Variants in ABCB8 observed in about 807,000 individuals in gnomAD.
The protein encoded by ABCB8 is ATP binding cassette subfamily B member 8.
A neutral mutation model predicts 73.0 loss-of-function variants in ABCB8; 52 were observed. The ratio of observed to expected loss-of-function variants is 0.71; its 90% CI spans 0.57 to 0.90. ABCB8 has a LOEUF of 0.90. Among genes scored for constraint, ABCB8 ranks in the 40% least tolerant of loss-of-function variants. The probability of loss-of-function intolerance (pLI) is 0.00; values close to 1 mark genes in which losing one functional copy is unlikely to be tolerated. For missense variants in ABCB8, 909 were observed against 974.6 expected, an observed-to-expected ratio of 0.93 and a Z score of 0.90; for synonymous variants, 428 against 423.5, an observed-to-expected ratio of 1.01 and a Z score of -0.13.
intron 13 of ABCB8, 92 bp from the exon 14 acceptor site, chr7:151,041,869 T>G (rs1428955295): frequency 1.7e-5 from 24 of 1,438,464 alleles, no homozygotes; most frequent in Non-Finnish European, 2.3e-5. Flanking sequence ...ATCCACCAGA[T>G]AGACTGTCCC....
chr7:151,034,885 C>T (rs1340452067), intron 5 of ABCB8, 56 bp downstream of exon 5: 1 of 1,509,800 alleles, frequency 6.6e-7, no homozygotes, highest in East Asian at 2.3e-5. Context: ...CATGTGGATT[C>T]ACCAGGCCAG....
In ABCB8 at chr7:151,028,866, C is replaced by T. The variant is rs765047994; in HGVS notation, c.95+256C>T. 6.5e-6 allele frequency: 10 copies of T among 1,532,448 alleles called. No homozygotes were observed. The East Asian group carries it at 7.5e-5, about 11-fold the overall frequency. 94.9% of individuals were successfully genotyped at this position (1,532,448 alleles called of 1,614,324 possible). Reference sequence around the variant, plus strand: ...GGGACGCTCGGGGTCAGTGACCACGCCCAGTCCGCACTCCCGACCGGGGGT... The same window carrying T: ...GGGACGCTCGGGGTCAGTGACCACGTCCAGTCCGCACTCCCGACCGGGGGT... On this transcript the variant is annotated intron_variant, in intron 1 of 15. Coordinates refer to ENST00000358849, the MANE Select transcript of ABCB8 (RefSeq NM_007188.5).
In ABCB8 at chr7:151,047,555, C is replaced by T. The variant is rs1796646910; in HGVS notation, c.*2206C>T. Reference sequence around the variant, plus strand: ...GTCCCTGCCCCCATGAAGCTTGTGTCCTGTTGGGAGGACAGACAGGTGGCC... The same window carrying T: ...GTCCCTGCCCCCATGAAGCTTGTGTTCTGTTGGGAGGACAGACAGGTGGCC... On this transcript the variant is annotated 3_prime_UTR_variant, in exon 16 of 16. Transcript: ENST00000358849. 6.6e-6 allele frequency: 1 copy of T among 152,228 alleles called. No individual in the cohort carries two copies. The highest frequency in any genetic ancestry group is 1.5e-5 in the Non-Finnish European group (1 of 68,062). The allele number at this position is 152,228 out of a possible 1,614,324, so 9.4% of individuals were successfully genotyped here.
chr7:151,035,010 A>C (rs1796265250), intron 5 of ABCB8, among the ~76,000 whole-genome samples, 181 bp downstream of exon 5: 1 of 152,230 alleles, frequency 6.6e-6, no homozygotes, highest in African/African-American at 2.4e-5. Context: ...GAAAGTGTAG[A>C]GGCAGTGTCC....
At chr7:151,031,210 GCTGT>G (rs1796152695) in intron 1 of ABCB8, 4 of 1,364,848 alleles carry the variant, frequency 2.9e-6, no homozygotes, top group African/African-American at 2.9e-5. Context: ...TTCTGCCAGT[GCTGT>G]CTAAGATATA....
chr7:151,037,974 T>G (rs1424145716), intron 9 of ABCB8: 1 of 155,478 alleles, frequency 6.4e-6, no homozygotes, highest in Non-Finnish European at 1.4e-5. Context: ...AGCCTCGCCC[T>G]CCTCCAGCCC....
intron 9 of ABCB8, chr7:151,039,225 T>G (rs1467863157): frequency 6.6e-6 from 1 of 152,312 alleles, no homozygotes; most frequent in Non-Finnish European, 1.5e-5. Context: ...AGATCTCTGG[T>G]GGAGAATGTG....
intron 13 of ABCB8, 89 bp from the exon 14 acceptor site, chr7:151,041,872 A>AC: frequency 6.9e-7 from 1 of 1,449,394 alleles, no homozygotes; most frequent in Non-Finnish European, 9.5e-7. Context: ...CACCAGATAG[A>AC]CTGTCCCATT....
chr7:151,043,873 G>C, intron 14 of ABCB8, 98 bp from the exon 15 acceptor site: 1 of 1,536,268 alleles, frequency 6.5e-7, no homozygotes, highest in Non-Finnish European at 8.9e-7. Context: ...GGGGCACTTA[G>C]AGGATCTTGA....
intron 3 of ABCB8, 25 bp downstream of exon 3, chr7:151,034,453 AC>A: frequency 6.2e-7 from 1 of 1,613,608 alleles, no homozygotes; most frequent in Non-Finnish European, 8.5e-7. Flanking sequence ...GGGGCTGGGG[AC>A]CGCCGAGGAG....
intron 1 of ABCB8, chr7:151,033,231 C>G (rs1176776943): frequency 1.4e-5 from 6 of 418,678 alleles, no homozygotes; most frequent in Non-Finnish European, 2.7e-5. Flanking sequence ...CCCTTAAACC[C>G]CCGGCCCCTT....
At chr7:151,037,374 G>T in intron 9 of ABCB8, 1 of 701,122 alleles carries the variant, frequency 1.4e-6, no homozygotes, top group South Asian at 1.5e-5. Context: ...ATGACAAGCT[G>T]ACCCCTGTCC....
intron 14 of ABCB8, among the ~76,000 whole-genome samples, chr7:151,042,371 G>A (rs1273454230): frequency 1.3e-5 from 2 of 152,190 alleles, no homozygotes; most frequent in Admixed American, 1.3e-4. Context: ...TGGAGAATGC[G>A]ACAGAGGGCA....
Position 151,028,587 on chromosome 7 carries a change from C to T in ABCB8, c.72C>T (p.Arg24=). Residue 24 remains arginine, a synonymous_variant, in exon 1 of 16, where the codon CGC becomes CGT. Transcript: ENST00000358849. ...PFPGRLLPPL[R]FQTFSAVRYS... is the part of the protein sequence containing the mutation. ...CAGGCAGGCTGCTACCGCCCCTCCG[C>T]TTCCAGACATTCTCAGCTGTCAGGT... 6.2e-7 allele frequency: 1 copy of T among 1,613,928 alleles called. No homozygotes were observed. The highest frequency in any genetic ancestry group is 8.5e-7 in the Non-Finnish European group (1 of 1,180,042).
At chr7:151,036,048 T>C (rs891887561) in intron 7 of ABCB8, 25 bp from the exon 8 acceptor site, 5 of 1,612,866 alleles carry the variant, frequency 3.1e-6, no homozygotes, top group African/African-American at 2.7e-5. Context: ...AGCTGCCTCC[T>C]GAATGCACTG....
intron 1 of ABCB8, chr7:151,033,008 G>A (rs1344787277): frequency 4.4e-6 from 2 of 456,528 alleles, no homozygotes; most frequent in South Asian, 1.5e-5. Flanking sequence ...TCTGCTGCCT[G>A]CGGACAAGTT....
intron 1 of ABCB8, among the ~76,000 whole-genome samples, chr7:151,032,553 GCGTGGTGGCT>G (rs1168337340): frequency 6.6e-6 from 1 of 152,100 alleles, no homozygotes; most frequent in Non-Finnish European, 1.5e-5. Flanking sequence ...AATTAGCTGG[GCGTGGTGGCT>G]CGTGCCTGTA....
chr7:151,030,088 T>G (rs55779721), intron 1 of ABCB8, among the ~76,000 whole-genome samples: 3,440 of 152,214 alleles, frequency 0.023, 133 homozygotes, highest in African/African-American at 0.077. Flanking sequence ...TAGGAAAGAG[T>G]AAGGGTGTTG....
At position 151,041,117 on chromosome 7, in the gene ABCB8, C is replaced by T; in HGVS notation, c.1502C>T (p.Ser501Phe). ...TCCCCAGGAAAGACCACCGTGGCTTCCCTGCTGGAGCGCTTCTACGACCCC... is the reference window on the plus strand; with the variant it reads ...TCCCCAGGAAAGACCACCGTGGCTTTCCTGCTGGAGCGCTTCTACGACCCC... ...QSGGGKTTVA[S>F]LLERFYDPTA... The change falls in exon 13 of 16, where the codon TCC (serine) becomes TTC (phenylalanine). Residue 501 changes from serine (S) to phenylalanine (F), a missense_variant. Physicochemically the swap from Ser to Phe is radical, Grantham distance 155. Coordinates refer to ENST00000358849, the MANE Select transcript of ABCB8 (RefSeq NM_007188.5). The T allele has an allele frequency of 6.2e-7, 1 of 1,613,498 alleles. No individual in the cohort carries two copies. Among genetic ancestry groups the T allele is most frequent in the Non-Finnish European group, 8.5e-7 (1 of 1,179,996 alleles).
Sources: gnomAD v4.1 joint callset for allele counts (sites outside exome capture counted in the v4.1 genomes callset) on GRCh38, gnomAD v4.1.1 for gene constraint, MANE v1.5 for transcripts, NCBI Gene and HGNC (gene_info 2026-07-23, HGNC 2026-07-21) for gene names.